Variants in CDH4 observed in about 807,000 individuals in gnomAD.
The protein encoded by CDH4 is cadherin 4.
A neutral mutation model predicts 86.0 loss-of-function variants in CDH4; 33 were observed. That is an observed-to-expected ratio of 0.38 (90% confidence interval 0.29 to 0.51). The LOEUF (loss-of-function observed/expected upper bound fraction) is 0.51, where lower values mean the gene tolerates loss of function less well. Among genes scored for constraint, CDH4 ranks in the 20% least tolerant of loss-of-function variants. The probability of loss-of-function intolerance (pLI) is 0.86; values close to 1 mark genes in which losing one functional copy is unlikely to be tolerated. For synonymous variants in CDH4, 555 were observed against 549.4 expected (o/e 1.01, Z -0.14); for missense variants, 1,114 against 1,307.4 (o/e 0.85, Z 2.28).
chr20:61,839,782 T>C (rs111212448), intron 4 of CDH4, among the ~76,000 whole-genome samples: 2,751 of 152,036 alleles, frequency 0.018, 74 homozygotes, highest in African/African-American at 0.06. Context: ...TGTGTGTACA[T>C]GTATGTGTGC....
chr20:61,326,515 A>G (rs1221881076), intron 2 of CDH4, among the ~76,000 whole-genome samples: 1 of 152,258 alleles, frequency 6.6e-6, no homozygotes, highest in Non-Finnish European at 1.5e-5. Flanking sequence ...CATATGAAGT[A>G]GATAACCAGT....
chr20:61,680,814 T>C (rs2053347698), intron 2 of CDH4, among the ~76,000 whole-genome samples: 1 of 148,156 alleles, frequency 6.7e-6, no homozygotes, highest in Non-Finnish European at 1.5e-5. Flanking sequence ...ACCTCAGCTC[T>C]GTCCTGAGTT....
intron 2 of CDH4, among the ~76,000 whole-genome samples, chr20:61,410,867 A>G (rs2085115268): frequency 4.7e-5 from 7 of 149,614 alleles, no homozygotes; most frequent in Admixed American, 4.0e-4. Flanking sequence ...CCGTCCATCT[A>G]TCCTCTCACC....
chr20:61,614,178 C>T (rs1255749768), intron 2 of CDH4, among the ~76,000 whole-genome samples: 1 of 152,042 alleles, frequency 6.6e-6, no homozygotes, highest in African/African-American at 2.4e-5. Context: ...TTAGGGTGGA[C>T]CCCTGTATAT....
intron 7 of CDH4, among the ~76,000 whole-genome samples, chr20:61,883,058 C>A (rs910079590): frequency 5.9e-5 from 9 of 152,144 alleles, no homozygotes; most frequent in Non-Finnish European, 5.9e-5. Flanking sequence ...TCCTGTCTCA[C>A]CCAGAAATGA....
At chr20:61,426,151 T>TA (rs2085214144) in intron 2 of CDH4, among the ~76,000 whole-genome samples, 1 of 152,166 alleles carries the variant, frequency 6.6e-6, no homozygotes, top group South Asian at 2.1e-4. Flanking sequence ...GCCAGAAGAG[T>TA]ATGTGATGTA....
Position 61,516,461 on chromosome 20 carries a change from C to T in CDH4, c.170-227102C>T, listed in dbSNP as rs368686379. 4.5e-4 allele frequency among the ~76,000 whole-genome samples: 68 copies of T among 152,108 alleles called. No homozygotes were observed. The highest frequency in any genetic ancestry group is 2.5e-4 in the Non-Finnish European group (17 of 68,028). ...CCGCTGCGGCTTCCATTTTACAGAC[C>T]GGGAGGCAGAGCCCCAGAGGTCAAG... On this transcript the variant is annotated intron_variant, in intron 2 of 15. Transcript: ENST00000614565. The surrounding 1 kb of genome is among the most constrained non-coding windows in gnomAD (Gnocchi z 4.0).
At chr20:61,851,342 T>C (rs1191638168) in intron 5 of CDH4, among the ~76,000 whole-genome samples, 1 of 152,126 alleles carries the variant, frequency 6.6e-6, no homozygotes, top group Non-Finnish European at 1.5e-5. Flanking sequence ...CTCTGGATGG[T>C]TGGAGCCAAA....
chr20:61,919,418 C>T (rs1194874541), intron 9 of CDH4, among the ~76,000 whole-genome samples: 1 of 152,198 alleles, frequency 6.6e-6, no homozygotes, highest in Non-Finnish European at 1.5e-5. Flanking sequence ...TGGAACACCC[C>T]AGGTTCCTTC....
intron 2 of CDH4, among the ~76,000 whole-genome samples, chr20:61,255,363 T>G (rs1382454724): frequency 6.6e-6 from 1 of 152,252 alleles, no homozygotes; most frequent in Non-Finnish European, 1.5e-5. Flanking sequence ...TTTTCATTAC[T>G]GCCCCACTGA....
At chr20:61,662,903 TC>T (rs1242486823) in intron 2 of CDH4, among the ~76,000 whole-genome samples, 19 of 151,772 alleles carry the variant, frequency 1.3e-4, no homozygotes, top group African/African-American at 4.6e-4. Context: ...GGGACACAGG[TC>T]CAGCAGAGGA....
At chr20:61,325,496 A>C (rs2084532119) in intron 2 of CDH4, among the ~76,000 whole-genome samples, 1 of 149,330 alleles carries the variant, frequency 6.7e-6, no homozygotes, top group Non-Finnish European at 1.5e-5. Flanking sequence ...TCAGAACGGG[A>C]GGGGTGTGTT....
chr20:61,531,982 G>T (rs2085958014), intron 2 of CDH4, among the ~76,000 whole-genome samples: 1 of 152,278 alleles, frequency 6.6e-6, no homozygotes, highest in Non-Finnish European at 1.5e-5. Context: ...GCTTCAGCCT[G>T]TGGTGGAGGA....
intron 7 of CDH4, among the ~76,000 whole-genome samples, chr20:61,875,007 C>T (rs1983959547): frequency 6.6e-6 from 1 of 152,222 alleles, no homozygotes; most frequent in South Asian, 2.1e-4. Context: ...GCGGGGACCC[C>T]ACTGCAAGCT....
chr20:61,378,590 C>T (rs1251731765), intron 2 of CDH4, among the ~76,000 whole-genome samples: 1 of 152,164 alleles, frequency 6.6e-6, no homozygotes, highest in Non-Finnish European at 1.5e-5. Context: ...ATAGGAACAC[C>T]TGTCATTGGG....
At chr20:61,519,111 A>AGGTGC (rs1182462316) in intron 2 of CDH4, among the ~76,000 whole-genome samples, 2 of 152,226 alleles carry the variant, frequency 1.3e-5, no homozygotes, top group Admixed American at 1.3e-4. Context: ...CCTAGAAGCC[A>AGGTGC]GGTGCTTTAA....
intron 4 of CDH4, among the ~76,000 whole-genome samples, chr20:61,779,016 C>T (rs369209738): frequency 1.3e-5 from 2 of 152,154 alleles, no homozygotes; most frequent in African/African-American, 2.4e-5. Context: ...CCTGGTCCCT[C>T]GGCCCTTGTA....
chr20:61,654,721 T>G (rs955814063), intron 2 of CDH4, among the ~76,000 whole-genome samples: 1 of 152,260 alleles, frequency 6.6e-6, no homozygotes, highest in Non-Finnish European at 1.5e-5. Flanking sequence ...AGGATACGAA[T>G]TCTGTAGGGA....
At chr20:61,432,679 A>G (rs1316766009) in intron 2 of CDH4, among the ~76,000 whole-genome samples, 3 of 152,136 alleles carry the variant, frequency 2.0e-5, no homozygotes, top group Non-Finnish European at 4.4e-5. Context: ...CAAAAGTTAT[A>G]ACTTGGATAG....
Sources: gnomAD v4.1 joint callset for allele counts (sites outside exome capture counted in the v4.1 genomes callset) on GRCh38, gnomAD v4.1.1 for gene constraint, Gnocchi (gnomAD v3.1) non-coding constraint, MANE v1.5 for transcripts, NCBI Gene and HGNC (gene_info 2026-07-23, HGNC 2026-07-21) for gene names.